Variants in SLC6A6 observed in about 807,000 individuals in gnomAD.
The protein encoded by SLC6A6 is solute carrier family 6 member 6.
Under a neutral mutation model 68.8 loss-of-function variants are expected in SLC6A6, and 16 were observed. The ratio of observed to expected loss-of-function variants is 0.23; its 90% CI spans 0.16 to 0.35. The LOEUF (loss-of-function observed/expected upper bound fraction) is 0.35. Ranked by LOEUF, SLC6A6 falls within the 10% of genes least tolerant of loss-of-function variation. The pLI, the probability that SLC6A6 is intolerant of heterozygous loss-of-function variation, is 1.00. For synonymous variants in SLC6A6, 312 were observed against 315.4 expected, an observed-to-expected ratio of 0.99 and a Z score of 0.12; for missense variants, 474 against 802.8, an observed-to-expected ratio of 0.59 and a Z score of 4.95.
intron 2 of SLC6A6, among the ~76,000 whole-genome samples, chr3:14,427,326 G>T (rs181400746): frequency 1.7e-4 from 26 of 152,204 alleles, no homozygotes; most frequent in Non-Finnish European, 3.2e-4. Context: ...TGGTGGGATC[G>T]CCATCCACCC....
intron 5 of SLC6A6, among the ~76,000 whole-genome samples, chr3:14,456,302 A>T (rs1373877097): frequency 6.6e-6 from 1 of 152,266 alleles, no homozygotes; most frequent in African/African-American, 2.4e-5. Flanking sequence ...AAGAGGGCAA[A>T]GAAAAGCTGT....
chr3:14,473,250 C>T (rs1050326197), intron 10 of SLC6A6, among the ~76,000 whole-genome samples: 2 of 152,170 alleles, frequency 1.3e-5, no homozygotes, highest in African/African-American at 2.4e-5. Context: ...AGGCATGACT[C>T]CAGGAGTAGG....
At chr3:14,440,299 G>C (rs187645176) in intron 2 of SLC6A6, among the ~76,000 whole-genome samples, 1 of 152,152 alleles carries the variant, frequency 6.6e-6, no homozygotes, top group East Asian at 1.9e-4. Flanking sequence ...TCCCTGTAGG[G>C]GCCAGGGTGC....
In SLC6A6 at chr3:14,419,486, G is replaced by A. The variant is rs191068350; in HGVS notation, c.-12+3033G>A. On this transcript the variant is annotated intron_variant, in intron 2 of 14. Transcript: ENST00000622186. The stretch of plus-strand genomic sequence containing the variant: ...AGCCCAAAAAAGTATTGCTGACAGG[G>A]GGCAACCCATGTAGTGGAGTCCATG... 2.6e-5 allele frequency among the ~76,000 whole-genome samples: 4 copies of A among 152,330 alleles called. No homozygotes were observed. In the East Asian group the frequency reaches 5.8e-4, roughly 22 times the overall value.
At chr3:14,478,929 G>T (rs898255450) in intron 12 of SLC6A6, 156 bp from the exon 13 acceptor site, 1 of 616,500 alleles carries the variant, frequency 1.6e-6, no homozygotes, top group Non-Finnish European at 2.9e-6. Flanking sequence ...AGTTATATTT[G>T]AATTTCATGT....
chr3:14,437,159 A>G (rs1699876212), intron 2 of SLC6A6, among the ~76,000 whole-genome samples: 1 of 152,168 alleles, frequency 6.6e-6, no homozygotes, highest in South Asian at 2.1e-4. Flanking sequence ...GAAAATGAAA[A>G]TGTGCTTGTA....
intron 1 of SLC6A6, among the ~76,000 whole-genome samples, chr3:14,415,620 C>T (rs796416090): frequency 6.6e-5 from 10 of 152,322 alleles, no homozygotes; most frequent in African/African-American, 2.2e-4. Context: ...AGCCTTCCAG[C>T]CTCAGGGCAA....
chr3:14,472,822 C>G lies in SLC6A6; in HGVS notation c.1209+505C>G, dbSNP rs1700784033. Among the ~76,000 whole-genome samples, 1 of 152,248 alleles carries G rather than the reference C, an allele frequency of 6.6e-6. No individual in the cohort carries two copies. The highest frequency in any genetic ancestry group is 1.5e-5 in the Non-Finnish European group (1 of 68,048). ...TAAGTTGCAAGTGCCCAGGAGAAGCCTACGCCACACTCAGGATTCTGTGCT... is the reference window on the plus strand; with the variant it reads ...TAAGTTGCAAGTGCCCAGGAGAAGCGTACGCCACACTCAGGATTCTGTGCT... On this transcript the variant is annotated intron_variant, in intron 10 of 14. Coordinates refer to ENST00000622186, the MANE Select transcript of SLC6A6 (RefSeq NM_003043.6). This position sits in a 1 kb window ranked among gnomAD's most constrained non-coding sequence, Gnocchi z 4.5.
At chr3:14,479,857 G>A (rs1015418990) in intron 13 of SLC6A6, among the ~76,000 whole-genome samples, 8 of 152,344 alleles carry the variant, frequency 5.3e-5, no homozygotes, top group South Asian at 2.1e-4. Context: ...TGGCAAAGCC[G>A]TCAGGGTTTG....
chr3:14,415,979 C>G (rs1382613489), intron 1 of SLC6A6, among the ~76,000 whole-genome samples: 1 of 152,182 alleles, frequency 6.6e-6, no homozygotes, highest in East Asian at 1.9e-4. Context: ...ACAGCTTACC[C>G]ATTTGCAGCT....
At chr3:14,415,275 G>A (rs1403623052) in intron 1 of SLC6A6, among the ~76,000 whole-genome samples, 1 of 152,216 alleles carries the variant, frequency 6.6e-6, no homozygotes, top group Non-Finnish European at 1.5e-5. Context: ...GCCAGTGTGA[G>A]CCTGTTGAAT....
intron 12 of SLC6A6, 85 bp downstream of exon 12, chr3:14,478,653 C>G: frequency 1.1e-6 from 1 of 872,654 alleles, no homozygotes; most frequent in Non-Finnish European, 2.0e-6. Flanking sequence ...AGAATACTAA[C>G]AGAAATTCAA....
At chr3:14,431,666 T>A (rs994623686) in intron 2 of SLC6A6, among the ~76,000 whole-genome samples, 3 of 152,168 alleles carry the variant, frequency 2.0e-5, no homozygotes, top group Non-Finnish European at 2.9e-5. Flanking sequence ...AGCAGGCACC[T>A]GTGCTCCAGA....
chr3:14,442,317 C>A (rs146962947), intron 2 of SLC6A6, among the ~76,000 whole-genome samples: 1 of 152,222 alleles, frequency 6.6e-6, no homozygotes, highest in South Asian at 2.1e-4. Flanking sequence ...GGCTCTGAGT[C>A]AGCCACTTCT....
intron 5 of SLC6A6, among the ~76,000 whole-genome samples, chr3:14,453,177 G>A (rs770700929): frequency 6.6e-6 from 1 of 152,220 alleles, no homozygotes; most frequent in Non-Finnish European, 1.5e-5. Context: ...AAAAGGAAAC[G>A]ATTTGGCCCG....
chr3:14,449,210 C>T (rs917657996), intron 5 of SLC6A6, among the ~76,000 whole-genome samples: 22 of 152,224 alleles, frequency 1.4e-4, no homozygotes, highest in Non-Finnish European at 2.4e-4. Flanking sequence ...CTTACTTGGT[C>T]GGTCCGTGTC....
chr3:14,466,592 C>T lies in SLC6A6; in HGVS notation c.809C>T (p.Ala270Val), dbSNP rs1700625207. 7 of 1,612,612 alleles carry T rather than the reference C, an allele frequency of 4.3e-6. No homozygotes were observed. Among genetic ancestry groups the T allele is most frequent in the South Asian group, 1.1e-5 (1 of 90,934 alleles). Reference sequence around the variant, plus strand: ...GTCCGAGGGCTGACGCTGCCGGGCGCGGGCGCAGGCATCAAGTTCTATCTG... The same window carrying T: ...GTCCGAGGGCTGACGCTGCCGGGCGTGGGCGCAGGCATCAAGTTCTATCTG... ...LLVRGLTLPGAGAGIKFYLYP... is the reference protein window; with the variant it reads ...LLVRGLTLPGVGAGIKFYLYP... The change falls in exon 7 of 15, where the codon GCG (alanine) becomes GTG (valine). Residue 270 changes from alanine to valine, a missense_variant. By Grantham distance (64) the Ala-to-Val change is moderately conservative. Coordinates refer to ENST00000622186, the MANE Select transcript of SLC6A6 (RefSeq NM_003043.6).
In SLC6A6 at chr3:14,485,145, GGTATGTGTGCGTGCGTGT is replaced by G. The variant is rs1701118872; in HGVS notation, c.*141_*158del. 2 of 617,278 alleles carry G rather than the reference GGTATGTGTGCGTGCGTGT, an allele frequency of 3.2e-6. No individual in the cohort carries two copies. The highest frequency in any genetic ancestry group is 2.6e-6 in the Non-Finnish European group (1 of 382,302). 38.2% of individuals were successfully genotyped at this position (617,278 alleles called of 1,614,324 possible). ...AATTGTCACAGAAAATGTAATTGTG[GGTATGTGTGCGTGCGTGT>G]GTGTGTGTGTGTGTATCGTGTGTGT... On this transcript the variant is annotated 3_prime_UTR_variant, in exon 15 of 15. Transcript: ENST00000622186.
chr3:14,445,376 A>G (rs1384255742), intron 3 of SLC6A6, among the ~76,000 whole-genome samples: 3 of 151,846 alleles, frequency 2.0e-5, no homozygotes, highest in South Asian at 2.1e-4. Flanking sequence ...AGCCGAGATC[A>G]CGCCACTGCA....
Sources: gnomAD v4.1 joint callset for allele counts (sites outside exome capture counted in the v4.1 genomes callset) on GRCh38, gnomAD v4.1.1 for gene constraint, Gnocchi (gnomAD v3.1) non-coding constraint, MANE v1.5 for transcripts, NCBI Gene and HGNC (gene_info 2026-07-23, HGNC 2026-07-21) for gene names.